Variants in DCUN1D4 observed in about 807,000 individuals in gnomAD.
DCUN1D4 encodes defective in cullin neddylation 1 domain containing 4.
Under a neutral mutation model 47.9 loss-of-function variants are expected in DCUN1D4, and 22 were observed. The ratio of observed to expected loss-of-function variants is 0.46; its 90% CI spans 0.33 to 0.66. DCUN1D4 has a LOEUF of 0.66. DCUN1D4 is among the 30% of genes least tolerant of loss of function. The probability of loss-of-function intolerance (pLI) is 0.02; values close to 1 mark genes in which losing one functional copy is unlikely to be tolerated. For synonymous variants in DCUN1D4, 121 were observed against 112.2 expected (o/e 1.08, Z -0.50); for missense variants, 301 against 340.8 (o/e 0.88, Z 0.92).
chr4:51,845,997 G>A (rs1722486751), intron 1 of DCUN1D4, among the ~76,000 whole-genome samples: 1 of 152,040 alleles, frequency 6.6e-6, no homozygotes, highest in Non-Finnish European at 1.5e-5. Context: ...TCTTGCAGAG[G>A]GTAAAGTGAT....
At chr4:51,858,053 G>A (rs1233960512) in intron 1 of DCUN1D4, among the ~76,000 whole-genome samples, 3 of 152,158 alleles carry the variant, frequency 2.0e-5, no homozygotes, top group African/African-American at 4.8e-5. Flanking sequence ...GAAAAGCAAA[G>A]CATGGTAAGA....
At chr4:51,872,576 C>T (rs1430090452) in intron 3 of DCUN1D4, among the ~76,000 whole-genome samples, 2 of 152,216 alleles carry the variant, frequency 1.3e-5, no homozygotes, top group Admixed American at 1.3e-4. Flanking sequence ...GCTTCCAGGA[C>T]ATGACACTCT....
At chr4:51,856,849 A>G (rs1724220757) in intron 1 of DCUN1D4, among the ~76,000 whole-genome samples, 1 of 152,078 alleles carries the variant, frequency 6.6e-6, no homozygotes, top group Non-Finnish European at 1.5e-5. Flanking sequence ...TAAAAATACC[A>G]CTGGAAACAC....
chr4:51,874,745 A>G (rs1269967885), intron 4 of DCUN1D4: 1 of 175,958 alleles, frequency 5.7e-6, no homozygotes, highest in African/African-American at 2.4e-5. Flanking sequence ...CTTCAACCAC[A>G]GAGCTGGAGA....
chr4:51,843,219 G>C lies in DCUN1D4; in HGVS notation c.-24G>C. ...AGGCGAGCGCGGGAGCCTGGGCGGC[G>C]AGCCGGGTGTGAGCTGCCTGAAAAT... On this transcript the variant is annotated 5_prime_UTR_variant, in exon 1 of 11. Transcript: ENST00000334635. The C allele has an allele frequency of 6.5e-7, 1 of 1,540,552 alleles. No individual in the cohort carries two copies. The highest frequency in any genetic ancestry group is 1.4e-5 in the African/African-American group (1 of 72,230).
intron 1 of DCUN1D4, among the ~76,000 whole-genome samples, chr4:51,860,045 A>G (rs1724805548): frequency 1.3e-5 from 2 of 152,244 alleles, no homozygotes; most frequent in Admixed American, 6.5e-5. Flanking sequence ...TGCCATGAGC[A>G]TTGAACAGAT....
At chr4:51,875,330 G>A (rs1377826570) in intron 4 of DCUN1D4, 1 of 152,176 alleles carries the variant, frequency 6.6e-6, no homozygotes, top group African/African-American at 2.4e-5. Flanking sequence ...TTTTGGTGGT[G>A]TGGACGTTAT....
At position 51,913,598 on chromosome 4, in the gene DCUN1D4, G is replaced by T. The variant is rs781407367; in HGVS notation, c.*14G>T. On this transcript the variant is annotated 3_prime_UTR_variant, in exon 11 of 11. Transcript: ENST00000334635. ...CAGATGTCCTAGGACTTTATGCATA[G>T]CAGCGAGAGAGTCACTGTTACCACA... The T allele has an allele frequency of 1.2e-6, 2 of 1,609,720 alleles. No homozygotes were observed. Among genetic ancestry groups the T allele is most frequent in the South Asian group, 1.1e-5 (1 of 90,436 alleles).
At chr4:51,852,454 T>C (rs1351936958) in intron 1 of DCUN1D4, among the ~76,000 whole-genome samples, 2 of 152,216 alleles carry the variant, frequency 1.3e-5, no homozygotes, top group African/African-American at 4.8e-5. Context: ...TAATGTCTTG[T>C]CCTACATATG....
chr4:51,876,663 T>C (rs946703646), intron 4 of DCUN1D4, among the ~76,000 whole-genome samples: 1 of 151,844 alleles, frequency 6.6e-6, no homozygotes, highest in Non-Finnish European at 1.5e-5. Context: ...CGAACAGAGA[T>C]GGAAAATATA....
At chr4:51,862,516 C>A (rs1385390824) in intron 1 of DCUN1D4, among the ~76,000 whole-genome samples, 1 of 151,968 alleles carries the variant, frequency 6.6e-6, no homozygotes, top group East Asian at 1.9e-4. Flanking sequence ...TTCTTTCTTT[C>A]TTTTTGTCAG....
At position 51,913,768 on chromosome 4, in the gene DCUN1D4, AG is replaced by A. The variant is rs1734040406; in HGVS notation, c.*186del. ...TGCTGTGTGGCATTGTTCTCTTGGA[AG>A]GCTGCTTTGCAGTTTGTATTTACAC... On this transcript the variant is annotated 3_prime_UTR_variant, in exon 11 of 11. Transcript: ENST00000334635. The A allele has an allele frequency of 3.6e-6, 2 of 559,420 alleles. No individual in the cohort carries two copies. The highest frequency in any genetic ancestry group is 6.2e-6 in the Non-Finnish European group (2 of 321,516). The allele number at this position is 559,420 out of a possible 1,614,324, so 34.7% of individuals were successfully genotyped here.
chr4:51,895,300 G>T (rs1449090894), intron 7 of DCUN1D4, among the ~76,000 whole-genome samples: 1 of 151,974 alleles, frequency 6.6e-6, no homozygotes, highest in African/African-American at 2.4e-5. Flanking sequence ...TCATTTCCTG[G>T]GTGTCTCTGG....
In DCUN1D4 at chr4:51,914,823, C is replaced by CTTTTTTTTTTTT. The variant is rs71193045; in HGVS notation, c.*1247_*1258dup. The stretch of plus-strand genomic sequence containing the variant: ...GTATTTTTAGGTTTGTATTTTATGT[C>CTTTTTTTTTTTT]TTTTTTTTTTTTTTTTTTTGCCATT... On this transcript the variant is annotated 3_prime_UTR_variant, in exon 11 of 11. Transcript: ENST00000334635. 1.7e-5 allele frequency: 2 copies of CTTTTTTTTTTTT among 117,660 alleles called. No individual in the cohort carries two copies. Among genetic ancestry groups the CTTTTTTTTTTTT allele is most frequent in the Non-Finnish European group, 3.4e-5 (2 of 59,156 alleles). The allele number at this position is 117,660 out of a possible 1,614,324, so 7.3% of individuals were successfully genotyped here. A position where few individuals can be genotyped will look rare whatever the true frequency, so the allele number is the denominator to read the frequency against.
rs954492553 is a variant in DCUN1D4 at position 51,890,259 on chromosome 4, C to T, written c.415-1501C>T. On this transcript the variant is annotated intron_variant, in intron 6 of 10. Transcript: ENST00000334635. ...AGAAATCATTAAAAATGATTTCTTG[C>T]CTCATGTTTCATGTTTTTATGTCAT... 3.2e-4 allele frequency among the ~76,000 whole-genome samples: 49 copies of T among 152,156 alleles called. No individual in the cohort carries two copies. The Middle Eastern group carries it at 0.014, about 42-fold the overall frequency.
At chr4:51,835,820 CCT>C in the DCUN1D4 span, among the ~76,000 whole-genome samples, 1 of 152,072 alleles carries the variant, frequency 6.6e-6, no homozygotes, top group African/African-American at 2.4e-5. Flanking sequence ...TGACTAGACC[CCT>C]GTTTGGAGCT....
chr4:51,900,602 T>C (rs1262666252), intron 8 of DCUN1D4, among the ~76,000 whole-genome samples: 1 of 152,102 alleles, frequency 6.6e-6, no homozygotes, highest in Non-Finnish European at 1.5e-5. Context: ...TAGCCAGATA[T>C]GGTGCCTATA....
intron 1 of DCUN1D4, among the ~76,000 whole-genome samples, chr4:51,849,702 C>A (rs1273245739): frequency 6.6e-6 from 1 of 152,154 alleles, no homozygotes; most frequent in Admixed American, 6.5e-5. Flanking sequence ...TGGGTCTCAT[C>A]ATGTGCCACT....
intron 1 of DCUN1D4, chr4:51,848,358 G>A (rs572161170): frequency 2.6e-5 from 33 of 1,258,794 alleles, no homozygotes; most frequent in Non-Finnish European, 3.2e-5. Context: ...GGTTAAGGCA[G>A]CATTAACAGG....
Sources: allele counts gnomAD v4.1 joint callset (sites outside exome capture counted in the v4.1 genomes callset), GRCh38; gene constraint gnomAD v4.1.1; transcripts MANE v1.5; gene names NCBI Gene and HGNC (gene_info 2026-07-23, HGNC 2026-07-21).